Variants in DYNC2I1 observed in about 807,000 individuals in gnomAD.
DYNC2I1 encodes cytoplasmic dynein 2 intermediate chain 1.
Under a neutral mutation model 133.4 loss-of-function variants are expected in DYNC2I1, and 89 were observed. The observed-to-expected ratio is 0.67, with a 90% confidence interval of 0.56 to 0.80. The LOEUF (loss-of-function observed/expected upper bound fraction) is 0.80, where lower values mean the gene tolerates loss of function less well. DYNC2I1 is among the 30% of genes least tolerant of loss of function. The pLI is 0.00. For missense variants in DYNC2I1, 1,291 were observed against 1,314.5 expected (o/e 0.98, Z 0.28); for synonymous variants, 504 against 484.3 (o/e 1.04, Z -0.54).
chr7:158,898,017 T>C (rs1459394009), intron 8 of DYNC2I1, among the ~76,000 whole-genome samples: 2 of 152,226 alleles, frequency 1.3e-5, no homozygotes, highest in Non-Finnish European at 1.5e-5. Context: ...TTTAGAAATA[T>C]GTTGTTTAAT....
At chr7:158,951,487 G>A (rs77412051) in intron 4 of DYNC2I1, among the ~76,000 whole-genome samples, 2,886 of 152,340 alleles carry the variant, frequency 0.019, 41 homozygotes, top group Non-Finnish European at 0.03. Flanking sequence ...CTGGGAGCGT[G>A]AGCTGGAGGC....
At chr7:158,874,823 C>A (rs1208781491) in intron 3 of DYNC2I1, among the ~76,000 whole-genome samples, 1 of 152,192 alleles carries the variant, frequency 6.6e-6, no homozygotes, top group African/African-American at 2.4e-5. Context: ...GCTTTGAAGT[C>A]TAATGGGTAA....
chr7:158,918,250 C>T (rs13230174), intron 14 of DYNC2I1, among the ~76,000 whole-genome samples: 22,826 of 152,198 alleles, frequency 0.15, 1,848 homozygotes, highest in Non-Finnish European at 0.17. Context: ...TGTGTTAGTT[C>T]TCAGGAACAT....
At chr7:158,894,078 CATATT>C (rs1845513423) in intron 8 of DYNC2I1, among the ~76,000 whole-genome samples, 1 of 152,138 alleles carries the variant, frequency 6.6e-6, no homozygotes. Flanking sequence ...TATCATACCA[CATATT>C]ATACCGTATA....
At chr7:158,848,167 G>C in the DYNC2I1 span, among the ~76,000 whole-genome samples, 1 of 152,184 alleles carries the variant, frequency 6.6e-6, no homozygotes, top group East Asian at 1.9e-4. Flanking sequence ...CAGCCTAGTG[G>C]ACTGGATAAT....
chr7:158,864,593 T>G (rs1433971287), intron 1 of DYNC2I1, among the ~76,000 whole-genome samples: 2 of 152,164 alleles, frequency 1.3e-5, no homozygotes, highest in Non-Finnish European at 2.9e-5. Context: ...CACTGCAGCC[T>G]CGACCTCCTG....
chr7:158,859,483 T>C (rs1405234312), intron 1 of DYNC2I1, among the ~76,000 whole-genome samples: 1 of 152,196 alleles, frequency 6.6e-6, no homozygotes, highest in East Asian at 1.9e-4. Flanking sequence ...TGGGGTTTTA[T>C]TCTGATACAT....
intron 4 of DYNC2I1, among the ~76,000 whole-genome samples, chr7:158,953,290 T>A (rs1218696040): frequency 6.6e-6 from 1 of 151,826 alleles, no homozygotes; most frequent in Non-Finnish European, 1.5e-5. Flanking sequence ...CTGACCCACA[T>A]GTGGCTGTTC....
At chr7:158,911,168 G>A (rs892569228) in intron 11 of DYNC2I1, among the ~76,000 whole-genome samples, 2 of 152,220 alleles carry the variant, frequency 1.3e-5, no homozygotes, top group African/African-American at 4.8e-5. Flanking sequence ...CCATGGTGCA[G>A]GTGATTGCAT....
chr7:158,922,105 C>T (rs1476793444), intron 15 of DYNC2I1, among the ~76,000 whole-genome samples: 1 of 152,184 alleles, frequency 6.6e-6, no homozygotes, highest in East Asian at 1.9e-4. Context: ...TGGTGGGCAG[C>T]TGGTTTCTGT....
chr7:158,936,089 G>A (rs900081057), intron 23 of DYNC2I1, among the ~76,000 whole-genome samples: 1 of 152,192 alleles, frequency 6.6e-6, no homozygotes, highest in South Asian at 2.1e-4. Flanking sequence ...TACTTGGGAG[G>A]CTGAGGCAAG....
chr7:158,855,228 T>A (rs542338459), upstream of DYNC2I1, among the ~76,000 whole-genome samples: 3 of 152,296 alleles, frequency 2.0e-5, no homozygotes, highest in South Asian at 6.2e-4. Context: ...CAAGGATAAC[T>A]TGGGTGGGGG....
chr7:158,878,883 C>T (rs1206002753), intron 4 of DYNC2I1, among the ~76,000 whole-genome samples: 8 of 111,012 alleles, frequency 7.2e-5, no homozygotes, highest in Admixed American at 9.3e-5. Context: ...GAGTGCCGGG[C>T]ACCATGTGGG....
chr7:158,847,174 T>C, the DYNC2I1 span, among the ~76,000 whole-genome samples: 1 of 152,236 alleles, frequency 6.6e-6, no homozygotes, highest in Non-Finnish European at 1.5e-5. Flanking sequence ...GTCTTAAATC[T>C]TAAAGTCATG....
At chr7:158,947,877 G>C (rs1851937016), downstream of DYNC2I1, among the ~76,000 whole-genome samples, 1 of 152,252 alleles carries the variant, frequency 6.6e-6, no homozygotes, top group South Asian at 2.1e-4. Context: ...CCCTGTGGCT[G>C]GTTGGCCTGT....
chr7:158,948,923 C>T (rs10264018), downstream of DYNC2I1, among the ~76,000 whole-genome samples: 565 of 152,324 alleles, frequency 3.7e-3, 10 homozygotes, highest in African/African-American at 0.012. Context: ...CTAAAATGCT[C>T]AGGAAGACGC....
At chr7:158,884,139 G>A (rs1333634272) in intron 5 of DYNC2I1, among the ~76,000 whole-genome samples, 1 of 150,250 alleles carries the variant, frequency 6.7e-6, no homozygotes, top group African/African-American at 2.5e-5. Context: ...CCGCCTCCCG[G>A]GTTCACGCCA....
In DYNC2I1 at chr7:158,895,515, C is replaced by A. The variant is rs571717761; in HGVS notation, c.1059+4182C>A. On this transcript the variant is annotated intron_variant, in intron 8 of 24. Coordinates refer to ENST00000407559, the MANE Select transcript of DYNC2I1 (RefSeq NM_018051.5). ...TTCATCTATTTGTCCACTCTTTTCG[C>A]CAGTACACACTGTCTTGATTGCTAT... Among the ~76,000 whole-genome samples the A allele has an allele frequency of 2.6e-5, 4 of 152,316 alleles. No individual in the cohort carries two copies. In the South Asian group the frequency reaches 8.3e-4, roughly 32 times the overall value.
chr7:158,897,170 G>C (rs1351750920), intron 8 of DYNC2I1, among the ~76,000 whole-genome samples: 1 of 151,824 alleles, frequency 6.6e-6, no homozygotes, highest in Non-Finnish European at 1.5e-5. Context: ...TTTTAGTAGA[G>C]GTGGAGTTTC....
Sources: allele counts gnomAD v4.1 joint callset (sites outside exome capture counted in the v4.1 genomes callset), GRCh38; gene constraint gnomAD v4.1.1; transcripts MANE v1.5; gene names NCBI Gene and HGNC (gene_info 2026-07-23, HGNC 2026-07-21).